Variants in URM1 observed in about 807,000 individuals in gnomAD.
URM1 encodes ubiquitin-related modifier 1.
In URM1, 11 loss-of-function variants were observed where a neutral mutation model predicts 17.7. The observed-to-expected ratio is 0.62, with a 90% CI of 0.39 to 1.03. The LOEUF is 1.03. URM1 is among the 50% of genes least tolerant of loss of function. The pLI is 0.00. For missense variants in URM1, 128 were observed against 129.2 expected (o/e 0.99, Z 0.04); for synonymous variants, 48 against 50.6 (o/e 0.95, Z 0.22).
rs556015807 is a variant in URM1, at chr9:128,387,194, G to A, written c.107-622G>A. 7.9e-5 allele frequency among the ~76,000 whole-genome samples: 12 copies of A among 152,380 alleles called. No individual in the cohort carries two copies. Among genetic ancestry groups the A allele is most frequent in the Admixed American group, 3.9e-4 (6 of 15,310 alleles). On this transcript the variant is annotated intron_variant, in intron 2 of 4. Coordinates refer to ENST00000372853, the MANE Select transcript of URM1 (RefSeq NM_030914.4). The surrounding 1 kb of genome is among the most constrained non-coding windows in gnomAD (Gnocchi z 4.3). ...CCGAACCTCTGGCCACCGCTGGCGC[G>A]GAGGGCTCTGGAAGCACAGGGTGGT...
chr9:128,378,542 C>CAAAAAAAAA (rs58676800), intron 2 of URM1, among the ~76,000 whole-genome samples: 2 of 23,022 alleles, frequency 8.7e-5, no homozygotes, highest in African/African-American at 1.7e-4. Context: ...GACTCCATCT[C>CAAAAAAAAA]AAAAAAAAAA....
intron 1 of URM1, among the ~76,000 whole-genome samples, chr9:128,374,774 T>G (rs1403637205): frequency 6.6e-6 from 1 of 152,146 alleles, no homozygotes; most frequent in African/African-American, 2.4e-5. Context: ...TCAGTTAAGA[T>G]CCACAAGAAG....
chr9:128,377,596 G>C (rs1404008787), intron 1 of URM1, among the ~76,000 whole-genome samples: 1 of 152,150 alleles, frequency 6.6e-6, no homozygotes, highest in Non-Finnish European at 1.5e-5. Flanking sequence ...CTTGAACCTG[G>C]GAGGCGGAGG....
chr9:128,373,795 G>T lies in URM1; in HGVS notation c.35+2380G>T, dbSNP rs977576141. ...GTCAGAGAAGAACTGGGAGAAATGG[G>T]CATTTCCTTTCCTTTAGCAGATATT... On this transcript the variant is annotated intron_variant, in intron 1 of 4. Coordinates refer to ENST00000372853, the MANE Select transcript of URM1 (RefSeq NM_030914.4). Among the ~76,000 whole-genome samples, 10 of 152,288 alleles carry T rather than the reference G, an allele frequency of 6.6e-5. No individual in the cohort carries two copies. In the East Asian group the frequency reaches 1.9e-3, roughly 29 times the overall value.
Position 128,387,884 on chromosome 9 carries a change from C to T in URM1, c.175C>T (p.Gln59Ter). 1 of 1,614,054 alleles carries T rather than the reference C, an allele frequency of 6.2e-7. No homozygotes were observed. Among genetic ancestry groups the T allele is most frequent in the Non-Finnish European group, 8.5e-7 (1 of 1,179,992 alleles). ...AAAAGAGCGGCCAGAGTTGTTCATCCAGGGAGACAGCGTGTGAGTCCCACT... is the reference window on the plus strand; with the variant it reads ...AAAAGAGCGGCCAGAGTTGTTCATCTAGGGAGACAGCGTGTGAGTCCCACT... The part of the protein sequence containing the change: ...LLKERPELFI[Q>*]GDSVRPGILV... The change falls in exon 3 of 5, where the codon CAG (glutamine) becomes TAG (stop). Residue 59 changes from glutamine to a stop codon, truncating the protein, a stop_gained. Transcript: ENST00000372853. LOFTEE classifies it high-confidence loss of function. This position sits in a 1 kb window ranked among gnomAD's most constrained non-coding sequence, Gnocchi z 4.3.
rs185209012 is a variant in URM1, at chr9:128,378,901, C to T, written c.106+795C>T. On this transcript the variant is annotated intron_variant, in intron 2 of 4. Coordinates refer to ENST00000372853, the MANE Select transcript of URM1 (RefSeq NM_030914.4). Reference sequence around the variant, plus strand: ...GGCAGAGGTTTCAGTGAGCCGAGATCGTGCCACTGCACTCCAGCCTGGGTG... The same window carrying T: ...GGCAGAGGTTTCAGTGAGCCGAGATTGTGCCACTGCACTCCAGCCTGGGTG... Among the ~76,000 whole-genome samples, 638 of 146,522 alleles carry T rather than the reference C, an allele frequency of 4.4e-3. 8 individuals carry two copies. Among genetic ancestry groups the T allele is most frequent in the African/African-American group, 0.016 (608 of 39,028 alleles).
chr9:128,380,982 G>A (rs916229107), intron 2 of URM1, among the ~76,000 whole-genome samples: 5 of 151,966 alleles, frequency 3.3e-5, no homozygotes, highest in African/African-American at 7.3e-5. Flanking sequence ...CTGCCACCAC[G>A]CCCGGCTAAT....
chr9:128,388,854 C>T (rs1454998538), intron 3 of URM1: 2 of 1,005,254 alleles, frequency 2.0e-6, no homozygotes, highest in Non-Finnish European at 2.4e-6. Context: ...TAAGATTAGA[C>T]CCCTGGAAAA....
chr9:128,373,967 A>G (rs778582607), intron 1 of URM1, among the ~76,000 whole-genome samples: 2 of 152,242 alleles, frequency 1.3e-5, no homozygotes, highest in Non-Finnish European at 2.9e-5. Flanking sequence ...ACATCAGAAA[A>G]GGTGAAGGTG....
intron 2 of URM1, among the ~76,000 whole-genome samples, chr9:128,385,797 G>A (rs1353063184): frequency 6.6e-6 from 1 of 151,846 alleles, no homozygotes; most frequent in Admixed American, 6.6e-5. Flanking sequence ...CCAAATCCAG[G>A]CATGGGGGAA....
At chr9:128,379,818 A>G (rs1216666500) in intron 2 of URM1, among the ~76,000 whole-genome samples, 1 of 152,016 alleles carries the variant, frequency 6.6e-6, no homozygotes, top group Non-Finnish European at 1.5e-5. Flanking sequence ...ATAAAATAAA[A>G]TAAAATAAAA....
At chr9:128,389,439 A>G in intron 4 of URM1, 130 bp downstream of exon 4, 1 of 1,582,764 alleles carries the variant, frequency 6.3e-7, no homozygotes, top group Non-Finnish European at 8.6e-7. Flanking sequence ...CCCCACACTG[A>G]GGCTGCTGGA....
chr9:128,388,990 C>G, intron 3 of URM1: 2 of 1,285,126 alleles, frequency 1.6e-6, no homozygotes, highest in Non-Finnish European at 2.0e-6. Flanking sequence ...GAACCTGATA[C>G]TCAGAAACAA....
chr9:128,389,641 C>T (rs769337598), intron 4 of URM1, 25 bp from the exon 5 acceptor site: 3 of 1,613,142 alleles, frequency 1.9e-6, no homozygotes, highest in Non-Finnish European at 2.5e-6. Flanking sequence ...CTGAGGGTCT[C>T]CCGCTCCCCT....
intron 2 of URM1, among the ~76,000 whole-genome samples, chr9:128,380,951 A>G: frequency 6.6e-6 from 1 of 152,104 alleles, no homozygotes; most frequent in Non-Finnish European, 1.5e-5. Context: ...CAGCCTCCCA[A>G]GTAGCTGGGA....
chr9:128,384,431 A>T (rs1833200523), intron 2 of URM1, among the ~76,000 whole-genome samples: 1 of 152,122 alleles, frequency 6.6e-6, no homozygotes, highest in Non-Finnish European at 1.5e-5. Flanking sequence ...GGGTTCAAAC[A>T]TCTAACACAG....
intron 2 of URM1, among the ~76,000 whole-genome samples, chr9:128,383,858 G>C (rs1314432609): frequency 6.6e-6 from 1 of 152,180 alleles, no homozygotes; most frequent in Non-Finnish European, 1.5e-5. Context: ...AAGTCCACCG[G>C]GGCGAGGGAT....
At chr9:128,375,664 A>G (rs1426478881) in intron 1 of URM1, among the ~76,000 whole-genome samples, 1 of 152,066 alleles carries the variant, frequency 6.6e-6, no homozygotes, top group Non-Finnish European at 1.5e-5. Context: ...GGTTCAGGTG[A>G]TCCTCCCACC....
intron 4 of URM1, 46 bp downstream of exon 4, chr9:128,389,355 G>T: frequency 6.2e-7 from 1 of 1,613,912 alleles, no homozygotes; most frequent in African/African-American, 1.3e-5. Flanking sequence ...TGCCCTTGCT[G>T]CTTCAGTGGG....
Sources: allele counts gnomAD v4.1 joint callset (sites outside exome capture counted in the v4.1 genomes callset), GRCh38; gene constraint gnomAD v4.1.1; non-coding constraint Gnocchi (gnomAD v3.1); transcripts MANE v1.5; gene names NCBI Gene and HGNC (gene_info 2026-07-23, HGNC 2026-07-21).